The following TULP4 variants were observed in gnomAD, a reference collection of about 807,000 sequenced individuals.
The protein encoded by TULP4 is TUB like protein 4.
TULP4 carries 16 observed loss-of-function variants against 129.0 expected under a neutral mutation model. The observed-to-expected ratio is 0.12, with a 90% CI of 0.08 to 0.19. TULP4 has a LOEUF of 0.19. TULP4 is among the 10% of genes least tolerant of loss of function. The pLI, the probability that TULP4 is intolerant of heterozygous loss-of-function variation, is 1.00. For synonymous variants in TULP4, 998 were observed against 854.0 expected (o/e 1.17, Z -2.94); for missense variants, 1,842 against 2,059.1 (o/e 0.89, Z 2.04).
At chr6:158,407,527 T>C (rs1428566584) in intron 1 of TULP4, among the ~76,000 whole-genome samples, 1 of 151,570 alleles carries the variant, frequency 6.6e-6, no homozygotes, top group South Asian at 2.1e-4. Context: ...CCAAGAAAAA[T>C]GAAACATGTT....
At chr6:158,309,634 A>G (rs1252281215), upstream of TULP4, among the ~76,000 whole-genome samples, 10 of 152,236 alleles carry the variant, frequency 6.6e-5, no homozygotes, top group South Asian at 1.5e-3. Context: ...TCCGTCTGCA[A>G]TCCCGGCACC....
In TULP4 at chr6:158,385,842, CTTTTTT is replaced by C. The variant is rs778595442; in HGVS notation, c.253-27208_253-27203del. ...GGAAAAGTCTACAAATGTGGAATAT[CTTTTTT>C]TTTTTTTTTTTTTTGAGAAAAAGTC... is the stretch of plus-strand genomic sequence containing the variant. On this transcript the variant is annotated intron_variant, in intron 1 of 13. Transcript: ENST00000367097. 3.9e-4 allele frequency among the ~76,000 whole-genome samples: 23 copies of C among 59,576 alleles called. 3 individuals are homozygous for C. Among genetic ancestry groups the C allele is most frequent in the Admixed American group, 4.2e-4 (2 of 4,722 alleles). 39.1% of individuals were successfully genotyped at this position (59,576 alleles called of 152,430 possible).
intron 1 of TULP4, among the ~76,000 whole-genome samples, chr6:158,240,866 C>T (rs183736290): frequency 0.16 from 24,153 of 148,386 alleles, 2,406 homozygotes; most frequent in East Asian, 0.4. Flanking sequence ...ACCTCCCTCC[C>T]GGACGGGGTG....
chr6:158,412,028 C>G (rs1366251283), intron 1 of TULP4, among the ~76,000 whole-genome samples: 1 of 152,154 alleles, frequency 6.6e-6, no homozygotes, highest in Non-Finnish European at 1.5e-5. Context: ...AGCAAGAGTA[C>G]TCTTGCCTGG....
intron 1 of TULP4, among the ~76,000 whole-genome samples, chr6:158,369,727 A>G (rs1777031102): frequency 6.6e-6 from 1 of 152,180 alleles, no homozygotes. Context: ...GTTTGCTTCT[A>G]CATGCATGGA....
At chr6:158,303,445 TACA>T (rs1256542759) in intron 1 of TULP4, among the ~76,000 whole-genome samples, 3 of 152,068 alleles carry the variant, frequency 2.0e-5, no homozygotes, top group African/African-American at 7.2e-5. Flanking sequence ...AGGGAGTAGG[TACA>T]AAGATCACAT....
chr6:158,411,661 G>A (rs914333121), intron 1 of TULP4, among the ~76,000 whole-genome samples: 1 of 152,134 alleles, frequency 6.6e-6, no homozygotes, highest in Non-Finnish European at 1.5e-5. Context: ...ACCAAGTGTG[G>A]CCAACCAAGG....
intron 13 of TULP4, 118 bp from the exon 14 acceptor site, chr6:158,506,460 T>C: frequency 2.7e-6 from 2 of 746,034 alleles, no homozygotes; most frequent in Non-Finnish European, 2.5e-6. Flanking sequence ...CTCTATCTCC[T>C]GACGTCGTGA....
chr6:158,385,529 G>A (rs906358077), intron 1 of TULP4, among the ~76,000 whole-genome samples: 7 of 151,950 alleles, frequency 4.6e-5, no homozygotes, highest in Non-Finnish European at 1.0e-4. Flanking sequence ...CAGATTCTTC[G>A]GTGAAGTGGT....
upstream of TULP4, chr6:158,310,439 G>C (rs969208242): frequency 2.6e-5 from 4 of 151,406 alleles, no homozygotes; most frequent in East Asian, 1.9e-4. Flanking sequence ...TTCTGCCTCA[G>C]CCTCCTGAGT....
At chr6:158,443,985 C>CG (rs1562568315) in intron 3 of TULP4, among the ~76,000 whole-genome samples, 1 of 151,838 alleles carries the variant, frequency 6.6e-6, no homozygotes, top group Admixed American at 6.6e-5. Context: ...TTTGGGGGGC[C>CG]AGGGTGGGCG....
intron 1 of TULP4, among the ~76,000 whole-genome samples, chr6:158,358,465 A>C (rs1036691365): frequency 2.6e-5 from 4 of 152,228 alleles, no homozygotes; most frequent in Non-Finnish European, 1.5e-5. Context: ...TTACCGACTC[A>C]TATGGATTTA....
At chr6:158,349,827 GGGGCGGCC>G (rs1780455958) in intron 1 of TULP4, among the ~76,000 whole-genome samples, 9 of 140,648 alleles carry the variant, frequency 6.4e-5, no homozygotes, top group Non-Finnish European at 1.2e-4. Flanking sequence ...CCTCCCAGAT[GGGGCGGCC>G]GGGCAGAGGC....
chr6:158,238,341 A>T, intron 1 of TULP4: 1 of 779,104 alleles, frequency 1.3e-6, no homozygotes, highest in Non-Finnish European at 2.2e-6. Flanking sequence ...GACTTTGGGA[A>T]TGTAAACTGG....
intron 1 of TULP4, among the ~76,000 whole-genome samples, chr6:158,232,646 C>T (rs1777619081): frequency 6.6e-6 from 1 of 152,022 alleles, no homozygotes; most frequent in Non-Finnish European, 1.5e-5. Flanking sequence ...GATCGGGAGG[C>T]GTTTGGCTTG....
At chr6:158,376,502 G>A (rs1777195501) in intron 1 of TULP4, among the ~76,000 whole-genome samples, 1 of 152,206 alleles carries the variant, frequency 6.6e-6, no homozygotes, top group African/African-American at 2.4e-5. Context: ...ACGTCACCCT[G>A]AAAGTCACAC....
chr6:158,323,303 A>T (rs1376810914), intron 1 of TULP4, among the ~76,000 whole-genome samples: 3 of 152,176 alleles, frequency 2.0e-5, no homozygotes, highest in Non-Finnish European at 2.9e-5. Context: ...AGATGGTTAA[A>T]CTAGGGTGCT....
intron 1 of TULP4, among the ~76,000 whole-genome samples, chr6:158,262,614 A>T (rs262827): frequency 0.32 from 48,993 of 151,840 alleles, 8,233 homozygotes; most frequent in Middle Eastern, 0.39. Context: ...TTGAACTGTT[A>T]CCCCTCCCTG....
At chr6:158,322,995 T>C (rs1005298872) in intron 1 of TULP4, among the ~76,000 whole-genome samples, 2 of 152,216 alleles carry the variant, frequency 1.3e-5, no homozygotes, top group Non-Finnish European at 2.9e-5. Flanking sequence ...TTCTCAGTGG[T>C]GCAAGAAGAT....
Sources: allele counts gnomAD v4.1 joint callset (sites outside exome capture counted in the v4.1 genomes callset), GRCh38; gene constraint gnomAD v4.1.1; transcripts MANE v1.5; gene names NCBI Gene and HGNC (gene_info 2026-07-23, HGNC 2026-07-21).